Variants in ATG7 observed in about 807,000 individuals in gnomAD.
ATG7 encodes autophagy related 7.
Under a neutral mutation model 82.4 loss-of-function variants are expected in ATG7, and 70 were observed. The observed-to-expected ratio is 0.85, with a 90% CI of 0.70 to 1.04. The LOEUF is 1.04. Ranked by LOEUF, ATG7 falls within the 50% of genes least tolerant of loss-of-function variation. The probability of loss-of-function intolerance (pLI) is 0.00; values close to 1 mark genes in which losing one functional copy is unlikely to be tolerated. For missense variants in ATG7, 792 were observed against 864.3 expected (o/e 0.92, Z 1.05); for synonymous variants, 287 against 313.0 (o/e 0.92, Z 0.88).
At chr3:11,415,405 C>A (rs939937753) in intron 19 of ATG7, among the ~76,000 whole-genome samples, 1 of 152,116 alleles carries the variant, frequency 6.6e-6, no homozygotes, top group Non-Finnish European at 1.5e-5. Flanking sequence ...TTACCTTTAG[C>A]TTACTGTAAC....
chr3:11,315,645 C>T (rs769771683), intron 9 of ATG7, 152 bp downstream of exon 9: 14 of 672,572 alleles, frequency 2.1e-5, no homozygotes, highest in Non-Finnish European at 3.2e-5. Context: ...TATCCTCTCC[C>T]ACCCCTACAG....
At chr3:11,492,868 A>C (rs1197998989) in intron 20 of ATG7, among the ~76,000 whole-genome samples, 1 of 152,240 alleles carries the variant, frequency 6.6e-6, no homozygotes, top group Non-Finnish European at 1.5e-5. Context: ...ACCCCACGGC[A>C]GTGTCCAGGT....
chr3:11,518,108 G>T (rs1463122380), intron 20 of ATG7, among the ~76,000 whole-genome samples: 1 of 152,198 alleles, frequency 6.6e-6, no homozygotes. Flanking sequence ...CTTCCCTGGG[G>T]TCTAGTTTAG....
At chr3:11,500,418 TAAC>T (rs1223830049) in intron 20 of ATG7, among the ~76,000 whole-genome samples, 2 of 150,816 alleles carry the variant, frequency 1.3e-5, no homozygotes, top group African/African-American at 4.9e-5. Flanking sequence ...AAAATAGAAG[TAAC>T]AATAACATAT....
chr3:11,450,248 C>T (rs533531270), intron 20 of ATG7, among the ~76,000 whole-genome samples: 1 of 152,332 alleles, frequency 6.6e-6, no homozygotes, highest in African/African-American at 2.4e-5. Flanking sequence ...CGTTTGGCTC[C>T]AGAGCCTGTG....
chr3:11,524,089 C>T (rs1406752484), intron 20 of ATG7, among the ~76,000 whole-genome samples: 2 of 152,220 alleles, frequency 1.3e-5, no homozygotes, highest in East Asian at 3.8e-4. Context: ...TTTTTAAAGT[C>T]TCAGTTCAAA....
At chr3:11,293,548 G>C (rs1011566018) in intron 3 of ATG7, among the ~76,000 whole-genome samples, 1 of 137,598 alleles carries the variant, frequency 7.3e-6, no homozygotes, top group Admixed American at 7.3e-5. Flanking sequence ...AAAAAAAAAA[G>C]AAAGAAAGTG....
intron 12 of ATG7, 64 bp from the exon 13 acceptor site, chr3:11,342,071 A>C: frequency 4.0e-6 from 6 of 1,489,034 alleles, no homozygotes; most frequent in Non-Finnish European, 5.4e-6. Context: ...AGCCACTTGA[A>C]ATCTTTCAGA....
chr3:11,331,159 A>T (rs763589535), intron 9 of ATG7, among the ~76,000 whole-genome samples, 181 bp from the exon 10 acceptor site: 3 of 152,144 alleles, frequency 2.0e-5, no homozygotes, highest in African/African-American at 4.8e-5. Context: ...GCTATCAAGA[A>T]GTTCTGTAGT....
chr3:11,471,172 A>G (rs2087469337), intron 20 of ATG7, among the ~76,000 whole-genome samples: 1 of 152,252 alleles, frequency 6.6e-6, no homozygotes, highest in Non-Finnish European at 1.5e-5. Context: ...GGGACTTCCA[A>G]AGGCTGGCTA....
intron 20 of ATG7, among the ~76,000 whole-genome samples, chr3:11,547,701 A>G (rs544065495): frequency 3.3e-5 from 5 of 152,184 alleles, no homozygotes; most frequent in Non-Finnish European, 5.9e-5. Flanking sequence ...TGGCTTTTTC[A>G]CTGCAGCCAT....
intron 14 of ATG7, among the ~76,000 whole-genome samples, chr3:11,352,272 T>C (rs1022008261): frequency 1.3e-5 from 2 of 152,212 alleles, no homozygotes; most frequent in Non-Finnish European, 2.9e-5. Context: ...TTGGGTTGGT[T>C]CCAAGTCTTT....
chr3:11,475,129 A>AT (rs1383270243), intron 20 of ATG7, among the ~76,000 whole-genome samples: 1 of 151,834 alleles, frequency 6.6e-6, no homozygotes, highest in Non-Finnish European at 1.5e-5. Context: ...GGCAAGGTAG[A>AT]TTATATTGTT....
In ATG7 at chr3:11,341,981, T is replaced by C. The variant is rs142213811; in HGVS notation, c.981-154T>C. ...CAGCATGCTGCTGGGTGGGAAGCTT[T>C]CTCCTCCCTGCTTACCCTCCAGTTT... On this transcript the variant is annotated intron_variant, in intron 12 of 20. Coordinates refer to ENST00000693202, the MANE Select transcript of ATG7 (RefSeq NM_001349232.2). Among the ~76,000 whole-genome samples the C allele has an allele frequency of 5.0e-3, 761 of 152,304 alleles. 3 individuals carry two copies. Among genetic ancestry groups the C allele is most frequent in the African/African-American group, 0.017 (703 of 41,560 alleles).
intron 9 of ATG7, among the ~76,000 whole-genome samples, chr3:11,325,335 A>G (rs141784643): frequency 3.3e-5 from 5 of 152,314 alleles, no homozygotes; most frequent in African/African-American, 1.2e-4. Context: ...CTATTTGTTA[A>G]GCGCTGGCCT....
chr3:11,561,157 C>A (rs2072959996), downstream of ATG7, among the ~76,000 whole-genome samples: 1 of 152,158 alleles, frequency 6.6e-6, no homozygotes, highest in East Asian at 1.9e-4. Flanking sequence ...ATAAAACTCC[C>A]TTTTGTGCTC....
At chr3:11,381,098 A>T (rs1480211330) in intron 19 of ATG7, among the ~76,000 whole-genome samples, 1 of 152,246 alleles carries the variant, frequency 6.6e-6, no homozygotes, top group Non-Finnish European at 1.5e-5. Flanking sequence ...GAAGTAAACT[A>T]AGCCTGTTTT....
intron 20 of ATG7, among the ~76,000 whole-genome samples, chr3:11,461,580 T>C (rs2086301313): frequency 6.6e-6 from 1 of 152,148 alleles, no homozygotes; most frequent in South Asian, 2.1e-4. Flanking sequence ...ATTTAATCTC[T>C]CTCACTCTCT....
At chr3:11,353,051 CTT>C (rs2075680396) in intron 14 of ATG7, among the ~76,000 whole-genome samples, 1 of 152,192 alleles carries the variant, frequency 6.6e-6, no homozygotes, top group African/African-American at 2.4e-5. Context: ...GTATTCCTTA[CTT>C]GTTAAGTTAT....
Sources: gnomAD v4.1 joint callset for allele counts (sites outside exome capture counted in the v4.1 genomes callset) on GRCh38, gnomAD v4.1.1 for gene constraint, MANE v1.5 for transcripts, NCBI Gene and HGNC (gene_info 2026-07-23, HGNC 2026-07-21) for gene names.